Variants in H2BK1 observed in about 807,000 individuals in gnomAD.
The protein encoded by H2BK1 is histone H2B type 2-K1.
the H2BK1 span, chr7:151,208,015 G>A: frequency 6.2e-7 from 1 of 1,600,154 alleles, no homozygotes; most frequent in Middle Eastern, 1.7e-4. Context: ...GGGCCAGCCG[G>A]GCAGCCTCAC....
At chr7:151,209,913 A>G in the H2BK1 span, among the ~76,000 whole-genome samples, 1 of 152,126 alleles carries the variant, frequency 6.6e-6, no homozygotes, top group African/African-American at 2.4e-5. Flanking sequence ...TTGTCCTTTA[A>G]TTATGTCCCA....
chr7:151,209,982 G>A, the H2BK1 span, among the ~76,000 whole-genome samples: 14 of 152,148 alleles, frequency 9.2e-5, no homozygotes, highest in Non-Finnish European at 1.6e-4. Flanking sequence ...CAGGGAGCAC[G>A]CTTTGTCTCC....
At chr7:151,209,056 G>T in the H2BK1 span, among the ~76,000 whole-genome samples, 1 of 145,186 alleles carries the variant, frequency 6.9e-6, no homozygotes, top group Middle Eastern at 3.8e-3. Flanking sequence ...CCCCTCTGCT[G>T]TCAGCACACC....
chr7:151,208,569 C>T, the H2BK1 span, among the ~76,000 whole-genome samples: 2 of 152,108 alleles, frequency 1.3e-5, no homozygotes, highest in Non-Finnish European at 2.9e-5. Context: ...TGGTAAATGC[C>T]CATCTTTGAA....
At chr7:151,208,143 G>A in the H2BK1 span, 4 of 1,609,608 alleles carry the variant, frequency 2.5e-6, no homozygotes, top group Non-Finnish European at 2.6e-6. Flanking sequence ...TTAATGGAAG[G>A]GGCCAGGGGA....
chr7:151,207,961 C>T, the H2BK1 span: 35 of 1,377,690 alleles, frequency 2.5e-5, no homozygotes, highest in Middle Eastern at 5.3e-4. Context: ...GACGCACAGC[C>T]GTCTGGACTT....
chr7:151,208,430 C>T, the H2BK1 span, among the ~76,000 whole-genome samples: 1 of 152,244 alleles, frequency 6.6e-6, no homozygotes, highest in African/African-American at 2.4e-5. Flanking sequence ...TTGCTGGTTT[C>T]ACTGATGCAT....
At chr7:151,207,996 C>G in the H2BK1 span, 1 of 1,560,022 alleles carries the variant, frequency 6.4e-7, no homozygotes, top group Non-Finnish European at 8.8e-7. Flanking sequence ...GTGGTCCGGC[C>G]CGAGTACTGG....
the H2BK1 span, among the ~76,000 whole-genome samples, chr7:151,208,439 A>G: frequency 2.0e-5 from 3 of 152,248 alleles, no homozygotes; most frequent in African/African-American, 7.2e-5. Flanking sequence ...TCACTGATGC[A>G]TTTGCATAGT....
chr7:151,208,083 C>T, the H2BK1 span: 1 of 1,614,114 alleles, frequency 6.2e-7, no homozygotes, highest in Non-Finnish European at 8.5e-7. Context: ...ATGGCCTTGG[C>T]AGAGATGCCA....
chr7:151,208,355 A>G, the H2BK1 span, among the ~76,000 whole-genome samples: 7 of 152,234 alleles, frequency 4.6e-5, no homozygotes, highest in African/African-American at 1.7e-4. Flanking sequence ...TAACATGATT[A>G]AGCTCCTTGT....
the H2BK1 span, among the ~76,000 whole-genome samples, chr7:151,209,495 A>G: frequency 6.6e-6 from 1 of 152,218 alleles, no homozygotes; most frequent in African/African-American, 2.4e-5. Flanking sequence ...GGCCCTGCTG[A>G]GCAGCAGCTT....
At chr7:151,207,917 A>G in the H2BK1 span, 1 of 1,158,184 alleles carries the variant, frequency 8.6e-7, no homozygotes, top group Non-Finnish European at 1.3e-6. Flanking sequence ...GCCCTCAGAC[A>G]CAGCGTGCTT....
At chr7:151,209,383 G>A in the H2BK1 span, among the ~76,000 whole-genome samples, 1 of 152,066 alleles carries the variant, frequency 6.6e-6, no homozygotes, top group East Asian at 1.9e-4. Context: ...CTGGAGACAG[G>A]CATTACCTCT....
At chr7:151,208,638 T>C in the H2BK1 span, among the ~76,000 whole-genome samples, 1 of 152,206 alleles carries the variant, frequency 6.6e-6, no homozygotes, top group Non-Finnish European at 1.5e-5. Context: ...TCAAAACGTT[T>C]GTGCATATAA....
the H2BK1 span, chr7:151,210,234 G>T: frequency 5.0e-6 from 2 of 399,050 alleles, no homozygotes; most frequent in South Asian, 1.3e-4. Context: ...TCCTTGCGCC[G>T]ACAGCGCTTT....
the H2BK1 span, chr7:151,208,013 C>T: frequency 1.8e-5 from 28 of 1,596,594 alleles, no homozygotes; most frequent in East Asian, 4.5e-5. Context: ...CTGGGCCAGC[C>T]GGGCAGCCTC....
the H2BK1 span, among the ~76,000 whole-genome samples, chr7:151,208,963 G>C: frequency 6.0e-5 from 9 of 149,820 alleles, no homozygotes; most frequent in Non-Finnish European, 1.2e-4. Context: ...AGGAGGCTCT[G>C]TCCCACCCGC....
At chr7:151,208,711 G>A in the H2BK1 span, among the ~76,000 whole-genome samples, 1 of 152,224 alleles carries the variant, frequency 6.6e-6, no homozygotes, top group South Asian at 2.1e-4. Context: ...CGGACCAGGG[G>A]AGGAGTCCTG....
Sources: allele counts gnomAD v4.1 joint callset (sites outside exome capture counted in the v4.1 genomes callset), GRCh38; gene constraint gnomAD v4.1.1; transcripts MANE v1.5; gene names NCBI Gene and HGNC (gene_info 2026-07-23, HGNC 2026-07-21).